CATIP: variants seen among roughly 807,000 people sequenced by gnomAD.
CATIP encodes ciliogenesis-associated TTC17-interacting protein.
CATIP carries 40 observed loss-of-function variants against 42.5 expected under a neutral mutation model. The ratio of observed to expected loss-of-function variants is 0.94; its 90% CI spans 0.73 to 1.22. The LOEUF (loss-of-function observed/expected upper bound fraction) is 1.22, where lower values mean the gene tolerates loss of function less well. Among genes scored for constraint, CATIP ranks in the 50% most tolerant of loss-of-function variants. The pLI, the probability that CATIP is intolerant of heterozygous loss-of-function variation, is 0.00. For missense variants in CATIP, 489 were observed against 496.0 expected, an observed-to-expected ratio of 0.99 and a Z score of 0.13; for synonymous variants, 222 against 200.2, an observed-to-expected ratio of 1.11 and a Z score of -0.92.
chr2:218,367,517 AG>A lies in CATIP; in HGVS notation c.921+1del. On this transcript the variant is annotated frameshift_variant and splice_region_variant, in exon 9 of 10. Transcript: ENST00000289388. LOFTEE classifies it low-confidence loss of function (END_TRUNC). Reference protein sequence around the residue: ...MELYSKFLDRKEELRLGHASY... With the variant: ...MELYSKFLDRXEELRLGHASY... ...CTCTATTCGAAGTTCCTGGACCGGAAGGTGAGGGGAGGCTCCACCAGCCTGG... is the reference window on the plus strand; with the variant it reads ...CTCTATTCGAAGTTCCTGGACCGGAAGTGAGGGGAGGCTCCACCAGCCTGG... The A allele has an allele frequency of 6.2e-7, 1 of 1,614,118 alleles. No individual in the cohort carries two copies. Among genetic ancestry groups the A allele is most frequent in the Non-Finnish European group, 8.5e-7 (1 of 1,179,934 alleles).
rs374106256 is a variant in CATIP, at chr2:218,366,980, G to C, written c.756-44G>C. The C allele has an allele frequency of 9.1e-6, 13 of 1,432,624 alleles. No individual in the cohort carries two copies. In the Admixed American group the frequency reaches 1.8e-4, roughly 20 times the overall value. The allele number at this position is 1,432,624 out of a possible 1,614,324, so 88.7% of individuals were successfully genotyped here. ...AGAGACAATTCAGTCCATAGCAGGC[G>C]GTCTGGGAAGATTCTCACTCTCACA... On this transcript the variant is annotated intron_variant, in intron 7 of 9. Transcript: ENST00000289388.
intron 6 of CATIP, among the ~76,000 whole-genome samples, chr2:218,363,349 G>A (rs1695305195): frequency 6.6e-6 from 1 of 151,868 alleles, no homozygotes; most frequent in Admixed American, 6.6e-5. Flanking sequence ...AGCGGGGCGT[G>A]GTGGCAGGCG....
intron 6 of CATIP, among the ~76,000 whole-genome samples, chr2:218,364,089 C>T (rs2106315815): frequency 6.6e-6 from 1 of 152,312 alleles, no homozygotes; most frequent in African/African-American, 2.4e-5. Flanking sequence ...CCAGGCTTGT[C>T]TATCAAAACA....
intron 6 of CATIP, among the ~76,000 whole-genome samples, chr2:218,363,472 C>T (rs1187888422): frequency 3.1e-5 from 4 of 130,922 alleles, no homozygotes; most frequent in African/African-American, 1.2e-4. Flanking sequence ...GGTGACAGAG[C>T]GAGACTCTGT....
intron 8 of CATIP, 161 bp downstream of exon 8, chr2:218,367,261 A>G (rs948441086): frequency 3.9e-6 from 3 of 775,996 alleles, no homozygotes; most frequent in African/African-American, 1.7e-5. Flanking sequence ...ACCCCAAGCA[A>G]TAAGAGGAGG....
At chr2:218,360,453 C>G in intron 4 of CATIP, 120 bp from the exon 5 acceptor site, 2 of 757,556 alleles carry the variant, frequency 2.6e-6, no homozygotes, top group South Asian at 3.4e-5. Context: ...CCCGGCCCGG[C>G]TGCTTTTTTT....
rs748728634 is a variant in CATIP, at chr2:218,367,589, A to G, written c.921+71A>G. The G allele has an allele frequency of 2.3e-5, 37 of 1,602,642 alleles. No homozygotes were observed. In the Middle Eastern group the frequency reaches 2.5e-3, roughly 107 times the overall value. On this transcript the variant is annotated intron_variant, in intron 9 of 9. Coordinates refer to ENST00000289388, the MANE Select transcript of CATIP (RefSeq NM_198559.2). ...CCTTAAATTCATTACTGATCTCTGCACCTGATTGAAATGCACACCCGTAGG... is the reference window on the plus strand; with the variant it reads ...CCTTAAATTCATTACTGATCTCTGCGCCTGATTGAAATGCACACCCGTAGG...
chr2:218,364,865 C>T, intron 7 of CATIP, 113 bp downstream of exon 7: 2 of 1,199,340 alleles, frequency 1.7e-6, no homozygotes, highest in Non-Finnish European at 2.3e-6. Flanking sequence ...ATAGGAGTGT[C>T]CCTCCGCTTT....
intron 5 of CATIP, 141 bp downstream of exon 5, chr2:218,360,800 A>C: frequency 1.8e-6 from 1 of 547,782 alleles, no homozygotes; most frequent in Non-Finnish European, 3.2e-6. Context: ...TCCTGAGGAA[A>C]TGGGCCCAAA....
At chr2:218,364,540 A>C (rs1695356250) in intron 6 of CATIP, 88 bp from the exon 7 acceptor site, 3 of 1,527,844 alleles carry the variant, frequency 2.0e-6, no homozygotes, top group South Asian at 1.2e-5. Context: ...GGTTGTTATG[A>C]GATGGAGAAA....
chr2:218,357,595 G>C lies in CATIP; in HGVS notation c.180G>C (p.Gly60=). 2.5e-6 allele frequency: 4 copies of C among 1,614,042 alleles called. No homozygotes were observed. Among genetic ancestry groups the C allele is most frequent in the Non-Finnish European group, 3.4e-6 (4 of 1,179,968 alleles). ...CGCTGGCCATGGTCTCAGACACCGG[G>C]GAGCCTCAGGGAGAGCTGACCATTG... is the stretch of plus-strand genomic sequence containing the variant. ...SETLAMVSDT[G]EPQGELTIEV... The change falls in exon 3 of 10, where the codon GGG becomes GGC. Residue 60 remains glycine, a synonymous_variant. Transcript: ENST00000289388.
Position 218,360,427 on chromosome 2 carries a change from G to A in CATIP, c.376-146G>A, listed in dbSNP as rs777713420. The A allele has an allele frequency of 4.9e-4, 306 of 626,830 alleles. 2 individuals are homozygous for A. The highest frequency in any genetic ancestry group is 8.1e-4 in the Non-Finnish European group (285 of 354,026). 38.8% of individuals were successfully genotyped at this position (626,830 alleles called of 1,614,324 possible). On this transcript the variant is annotated intron_variant, in intron 4 of 9. Coordinates refer to ENST00000289388, the MANE Select transcript of CATIP (RefSeq NM_198559.2). The stretch of plus-strand genomic sequence containing the variant: ...GGCCTCCCACAGTGCTAGGATTACA[G>A]GCGTGAGCCACTGTGCCCGGCCCGG...
rs551552446 is a variant in CATIP, at chr2:218,363,512, C to T, written c.630+610C>T. Among the ~76,000 whole-genome samples, 554 of 141,272 alleles carry T rather than the reference C, an allele frequency of 3.9e-3. 2 individuals are homozygous for T. The highest frequency in any genetic ancestry group is 0.014 in the African/African-American group (522 of 37,464). 92.7% of individuals were successfully genotyped at this position (141,272 alleles called of 152,430 possible). On this transcript the variant is annotated intron_variant, in intron 6 of 9. Transcript: ENST00000289388. ...AAAAAAAAAAACAAAAAAAAAAAAACGTCATTTTGGCCAGGCGCAGTGATT... is the reference window on the plus strand; with the variant it reads ...AAAAAAAAAAACAAAAAAAAAAAAATGTCATTTTGGCCAGGCGCAGTGATT...
At chr2:218,360,697 T>A in intron 5 of CATIP, 38 bp downstream of exon 5, 2 of 1,473,678 alleles carry the variant, frequency 1.4e-6, no homozygotes, top group Admixed American at 1.7e-5. Context: ...CACTACACAC[T>A]GTGAACCCAG....
intron 7 of CATIP, chr2:218,365,694 G>A (rs1695407107): frequency 6.6e-6 from 1 of 152,204 alleles, no homozygotes; most frequent in Non-Finnish European, 1.5e-5. Flanking sequence ...CCTAGTAGCT[G>A]GGACTACAGG....
chr2:218,362,214 G>A (rs1033280027), intron 5 of CATIP, among the ~76,000 whole-genome samples: 4 of 151,896 alleles, frequency 2.6e-5, no homozygotes, highest in African/African-American at 9.7e-5. Context: ...TTAGCTGGGC[G>A]TAGTGTCGTG....
chr2:218,364,365 C>A (rs980003352), intron 6 of CATIP, among the ~76,000 whole-genome samples: 1 of 152,156 alleles, frequency 6.6e-6, no homozygotes, highest in African/African-American at 2.4e-5. Context: ...CCCACACCCC[C>A]CCGCATACCG....
chr2:218,357,405 C>T (rs113383327), intron 2 of CATIP, 129 bp from the exon 3 acceptor site: 10 of 809,594 alleles, frequency 1.2e-5, no homozygotes, highest in African/African-American at 3.4e-5. Context: ...CTGTCCGTGC[C>T]AGTGAGGAAG....
chr2:218,358,883 C>CG (rs1553517627), intron 4 of CATIP, among the ~76,000 whole-genome samples: 4 of 123,732 alleles, frequency 3.2e-5, no homozygotes, highest in African/African-American at 1.3e-4. Context: ...GACCCTGTCT[C>CG]AAAAAAAAAA....
Sources: allele counts gnomAD v4.1 joint callset (sites outside exome capture counted in the v4.1 genomes callset), GRCh38; gene constraint gnomAD v4.1.1; transcripts MANE v1.5; gene names NCBI Gene and HGNC (gene_info 2026-07-23, HGNC 2026-07-21).